SUMF1: variants seen among roughly 807,000 people sequenced by gnomAD.
SUMF1 encodes the protein formylglycine-generating enzyme.
SUMF1 carries 48 observed loss-of-function variants against 47.6 expected under a neutral mutation model. That is an observed-to-expected ratio of 1.01 (90% CI 0.80 to 1.28). SUMF1 has a LOEUF of 1.28. SUMF1 is among the 50% of genes most tolerant of loss of function. The pLI is 0.00. For synonymous variants in SUMF1, 230 were observed against 192.1 expected (o/e 1.20, Z -1.63); for missense variants, 571 against 485.4 (o/e 1.18, Z -1.66).
intron 8 of SUMF1, among the ~76,000 whole-genome samples, chr3:4,161,356 A>C (rs778330567): frequency 1.3e-5 from 2 of 152,144 alleles, no homozygotes; most frequent in Non-Finnish European, 1.5e-5. Flanking sequence ...CAGGTGGGAA[A>C]GCCAGCAAGG....
At chr3:4,306,716 G>A (rs143951844) in intron 8 of SUMF1, among the ~76,000 whole-genome samples, 1 of 152,332 alleles carries the variant, frequency 6.6e-6, no homozygotes, top group Non-Finnish European at 1.5e-5. Context: ...GGTCAAAACA[G>A]CTTGCTTGCT....
intron 8 of SUMF1, among the ~76,000 whole-genome samples, chr3:4,244,385 G>C (rs1696613634): frequency 6.6e-6 from 1 of 152,204 alleles, no homozygotes; most frequent in African/African-American, 2.4e-5. Context: ...TGTTTCTGCA[G>C]TGGCTGGTAT....
chr3:4,456,962 A>G lies in SUMF1; in HGVS notation c.271-3913T>C, dbSNP rs983287622. 2.8e-3 allele frequency among the ~76,000 whole-genome samples: 372 copies of G among 133,120 alleles called. 8 individuals are homozygous for G. Among genetic ancestry groups the G allele is most frequent in the African/African-American group, 8.2e-3 (306 of 37,292 alleles). 87.3% of individuals were successfully genotyped at this position (133,120 alleles called of 152,430 possible). ...TGTGTGTACATATATACGTGTGTGT[A>G]TATATATACGTGTGTGTATATATAT... On this transcript the variant is annotated intron_variant, in intron 1 of 8. Coordinates refer to ENST00000272902, the MANE Select transcript of SUMF1 (RefSeq NM_182760.4).
chr3:4,240,345 C>T (rs1342721681), intron 8 of SUMF1, among the ~76,000 whole-genome samples: 1 of 151,780 alleles, frequency 6.6e-6, no homozygotes, highest in African/African-American at 2.4e-5. Context: ...GAAGGAAACT[C>T]CTCTTTGTAC....
At chr3:4,351,060 T>C (rs11130002) in intron 8 of SUMF1, among the ~76,000 whole-genome samples, 53,872 of 151,908 alleles carry the variant, frequency 0.35, 10,704 homozygotes, top group African/African-American at 0.52. Flanking sequence ...CAGACGGAGG[T>C]ACAAGGGTTG....
At chr3:4,072,344 C>T (rs572814950) in intron 8 of SUMF1, among the ~76,000 whole-genome samples, 17 of 152,196 alleles carry the variant, frequency 1.1e-4, no homozygotes, top group Non-Finnish European at 1.8e-4. Flanking sequence ...ACATCAAAGA[C>T]CAAAAGTAGA....
intron 9 of SUMF1, among the ~76,000 whole-genome samples, chr3:4,049,168 G>C (rs1002222178): frequency 1.3e-5 from 2 of 152,126 alleles, no homozygotes; most frequent in African/African-American, 4.8e-5. Flanking sequence ...CACAGACATT[G>C]CAGGCTGTCT....
At chr3:4,250,669 G>T (rs1164796697) in intron 8 of SUMF1, among the ~76,000 whole-genome samples, 1 of 152,124 alleles carries the variant, frequency 6.6e-6, no homozygotes, top group African/African-American at 2.4e-5. Context: ...GTGACTTAAA[G>T]TTGGAGCCAG....
rs368102537 is a variant in SUMF1 at position 4,303,384 on chromosome 3, C to T, written c.1014+72946G>A. On this transcript the variant is annotated intron_variant and NMD_transcript_variant, in intron 8 of 12. Coordinates refer to the SUMF1 transcript ENST00000448413. ...TGAGGCGGGTAAATGTTCGCGGAAG[C>T]GGCAAAGACGACACGGCCTTGTGGG... 7.7e-6 allele frequency: 12 copies of T among 1,553,490 alleles called. No individual in the cohort carries two copies. In the African/African-American group the frequency reaches 1.3e-4, roughly 17 times the overall value.
intron 3 of SUMF1, among the ~76,000 whole-genome samples, chr3:4,431,189 A>C (rs1405328704): frequency 6.6e-6 from 1 of 152,188 alleles, no homozygotes; most frequent in Admixed American, 6.5e-5. Context: ...CCCCACCTCC[A>C]AGTGGAAGAC....
chr3:4,151,537 A>ACG (rs1694333120), intron 8 of SUMF1, among the ~76,000 whole-genome samples: 1 of 125,248 alleles, frequency 8.0e-6, no homozygotes, highest in Admixed American at 9.2e-5. Flanking sequence ...ATATATGTGT[A>ACG]TATATATGTG....
At chr3:4,410,760 C>A (rs1402876807) in intron 7 of SUMF1, 105 bp downstream of exon 7, 4 of 991,880 alleles carry the variant, frequency 4.0e-6, no homozygotes, top group Non-Finnish European at 6.5e-6. Context: ...GATTAATTTC[C>A]AGAGTATGTA....
At chr3:4,152,462 TTTTTTCTTTTTC>T (rs1284496638) in intron 8 of SUMF1, among the ~76,000 whole-genome samples, 1 of 150,930 alleles carries the variant, frequency 6.6e-6, no homozygotes. Flanking sequence ...TTTGCTTTTT[TTTTTTCTTTTTC>T]TTTTTCTGAT....
intron 8 of SUMF1, among the ~76,000 whole-genome samples, chr3:4,128,331 G>GT (rs1307465269): frequency 6.6e-6 from 1 of 152,112 alleles, no homozygotes; most frequent in Non-Finnish European, 1.5e-5. Flanking sequence ...GAATGGGGAT[G>GT]TGTAGGAGGA....
chr3:4,072,951 G>A (rs919996707), intron 8 of SUMF1, among the ~76,000 whole-genome samples: 10 of 152,102 alleles, frequency 6.6e-5, no homozygotes, highest in African/African-American at 2.4e-4. Flanking sequence ...CATAGCAAGG[G>A]AGGCCAACAT....
intron 7 of SUMF1, among the ~76,000 whole-genome samples, chr3:4,401,030 G>T (rs966343187): frequency 3.7e-5 from 5 of 135,676 alleles, no homozygotes; most frequent in African/African-American, 1.1e-4. Context: ...TGTTCTCATT[G>T]TTCAACTCCC....
intron 8 of SUMF1, among the ~76,000 whole-genome samples, chr3:4,364,657 G>A (rs1218110758): frequency 6.7e-6 from 1 of 150,088 alleles, no homozygotes. Context: ...CAATTTTGTT[G>A]ATCCTTTCAA....
intron 8 of SUMF1, among the ~76,000 whole-genome samples, chr3:4,219,799 G>A (rs1182254580): frequency 6.6e-6 from 1 of 152,112 alleles, no homozygotes. Context: ...TCTTTTGGGG[G>A]TGTGTTTAGG....
intron 8 of SUMF1, among the ~76,000 whole-genome samples, chr3:4,075,980 A>G (rs1692423641): frequency 6.6e-6 from 1 of 152,180 alleles, no homozygotes; most frequent in Admixed American, 6.5e-5. Flanking sequence ...CAGAATTGGA[A>G]GTAAAGCTAC....
Sources: gnomAD v4.1 joint callset for allele counts (sites outside exome capture counted in the v4.1 genomes callset) on GRCh38, gnomAD v4.1.1 for gene constraint, MANE v1.5 for transcripts, NCBI Gene and HGNC (gene_info 2026-07-23, HGNC 2026-07-21) for gene names.